ZNF385B: variants seen among roughly 807,000 people sequenced by gnomAD.
ZNF385B encodes the protein zinc finger protein 385B.
Under a neutral mutation model 39.2 loss-of-function variants are expected in ZNF385B, and 23 were observed. The observed-to-expected ratio is 0.59, with a 90% CI of 0.42 to 0.83. The LOEUF is 0.83. Ranked by LOEUF, ZNF385B falls within the 40% of genes least tolerant of loss-of-function variation. The probability of loss-of-function intolerance (pLI) is 0.00; values close to 1 mark genes in which losing one functional copy is unlikely to be tolerated. For missense variants in ZNF385B, 552 were observed against 598.9 expected, an observed-to-expected ratio of 0.92 and a Z score of 0.82; for synonymous variants, 205 against 222.6, an observed-to-expected ratio of 0.92 and a Z score of 0.70.
At chr2:179,853,061 A>C (rs2105445611) in intron 1 of ZNF385B, among the ~76,000 whole-genome samples, 1 of 152,336 alleles carries the variant, frequency 6.6e-6, no homozygotes, top group South Asian at 2.1e-4. Context: ...ATATGGACTT[A>C]AGCTCTTTGG....
intron 4 of ZNF385B, among the ~76,000 whole-genome samples, chr2:179,520,954 A>G (rs886390665): frequency 1.3e-5 from 2 of 152,230 alleles, no homozygotes; most frequent in African/African-American, 2.4e-5. Flanking sequence ...CATCAAAATT[A>G]AAACTTTCCT....
Position 179,597,583 on chromosome 2 carries a change from G to A in ZNF385B, c.299-52614C>T, listed in dbSNP as rs563467228. 6.5e-4 allele frequency among the ~76,000 whole-genome samples: 99 copies of A among 152,072 alleles called. 2 individuals carry two copies. In the South Asian group the frequency reaches 0.013, roughly 21 times the overall value. Reference sequence around the variant, plus strand: ...CATGTTCCTTCCATCCACCTTTCTTGTAGTCACTCCATCTGAGCTTTTCAC... The same window carrying A: ...CATGTTCCTTCCATCCACCTTTCTTATAGTCACTCCATCTGAGCTTTTCAC... On this transcript the variant is annotated intron_variant, in intron 3 of 9. Coordinates refer to ENST00000410066, the MANE Select transcript of ZNF385B (RefSeq NM_152520.6).
chr2:179,473,342 T>C (rs1182990452), intron 6 of ZNF385B, among the ~76,000 whole-genome samples: 1 of 152,194 alleles, frequency 6.6e-6, no homozygotes, highest in East Asian at 1.9e-4. Context: ...CAGCATGTCA[T>C]GAAACGATCA....
At chr2:179,698,096 C>T (rs577223660) in intron 3 of ZNF385B, among the ~76,000 whole-genome samples, 52 of 151,740 alleles carry the variant, frequency 3.4e-4, no homozygotes, top group African/African-American at 1.2e-3. Context: ...ATGTAAATGA[C>T]GAGTTAATGG....
At chr2:179,608,842 CTGTGTGTGTGTGTGTGTGTGTGTG>C (rs60633100) in intron 3 of ZNF385B, among the ~76,000 whole-genome samples, 20 of 134,698 alleles carry the variant, frequency 1.5e-4, no homozygotes, top group East Asian at 4.6e-4. Flanking sequence ...AGGGCCAAGA[CTGTGTGTGTGTGTGTGTGTGTGTG>C]TGTGTGTGTG....
At chr2:179,808,686 G>C (rs572595778) in intron 1 of ZNF385B, among the ~76,000 whole-genome samples, 12 of 152,240 alleles carry the variant, frequency 7.9e-5, no homozygotes, top group African/African-American at 2.9e-4. Flanking sequence ...TTTCATCGAA[G>C]ACCTTTTTTG....
At chr2:179,794,528 C>T (rs189746933) in intron 1 of ZNF385B, among the ~76,000 whole-genome samples, 18 of 152,256 alleles carry the variant, frequency 1.2e-4, no homozygotes, top group African/African-American at 1.9e-4. Flanking sequence ...AAAATTCTCT[C>T]GTCATGTAAG....
chr2:179,490,416 G>A (rs537998305), intron 5 of ZNF385B, among the ~76,000 whole-genome samples: 12 of 152,186 alleles, frequency 7.9e-5, no homozygotes, highest in Admixed American at 3.3e-4. Context: ...GATCTTTAGA[G>A]GGCTTGAAAT....
chr2:179,514,778 GTTTTTTT>G (rs10594566), intron 5 of ZNF385B, among the ~76,000 whole-genome samples: 1 of 143,390 alleles, frequency 7.0e-6, no homozygotes, highest in Non-Finnish European at 1.5e-5. Flanking sequence ...ATGTGTGGTG[GTTTTTTT>G]TTTTTTTTTT....
chr2:179,486,078 C>A (rs1313587686), intron 5 of ZNF385B, among the ~76,000 whole-genome samples: 1 of 151,878 alleles, frequency 6.6e-6, no homozygotes, highest in Non-Finnish European at 1.5e-5. Flanking sequence ...TATTTATTAC[C>A]AACCAAGAAT....
At chr2:179,720,895 G>A (rs1700647476) in intron 3 of ZNF385B, among the ~76,000 whole-genome samples, 1 of 147,422 alleles carries the variant, frequency 6.8e-6, no homozygotes, top group Non-Finnish European at 1.5e-5. Flanking sequence ...AAGTAGCTGT[G>A]ACTACAGTTG....
intron 3 of ZNF385B, among the ~76,000 whole-genome samples, chr2:179,681,508 G>C (rs569090913): frequency 1.1e-4 from 17 of 152,220 alleles, no homozygotes; most frequent in African/African-American, 4.1e-4. Flanking sequence ...TAGACAAATG[G>C]ATTGAAATAC....
intron 3 of ZNF385B, among the ~76,000 whole-genome samples, chr2:179,708,464 C>A (rs1401610620): frequency 6.6e-6 from 1 of 152,208 alleles, no homozygotes; most frequent in Non-Finnish European, 1.5e-5. Flanking sequence ...CACTCTCACA[C>A]ATGGTGACCT....
intron 3 of ZNF385B, among the ~76,000 whole-genome samples, chr2:179,573,810 G>A (rs1318211748): frequency 6.6e-6 from 1 of 152,060 alleles, no homozygotes; most frequent in Non-Finnish European, 1.5e-5. Flanking sequence ...AAGTTACTCA[G>A]ATCTAATGCC....
intron 1 of ZNF385B, among the ~76,000 whole-genome samples, chr2:179,844,467 G>A (rs13388545): frequency 0.3 from 46,306 of 151,918 alleles, 7,298 homozygotes; most frequent in African/African-American, 0.33. Flanking sequence ...GCTATTAAAT[G>A]ATATAATACA....
chr2:179,757,583 G>A (rs1383530272), intron 3 of ZNF385B, among the ~76,000 whole-genome samples: 4 of 152,174 alleles, frequency 2.6e-5, no homozygotes, highest in Non-Finnish European at 5.9e-5. Context: ...AGGCATGCAG[G>A]CCTCCTTGAA....
chr2:179,708,537 C>T (rs1327416521), intron 3 of ZNF385B, among the ~76,000 whole-genome samples: 1 of 152,212 alleles, frequency 6.6e-6, no homozygotes, highest in African/African-American at 2.4e-5. Context: ...CTGTGATCAA[C>T]AGGTTCAACT....
chr2:179,563,950 T>A (rs1275356490), intron 3 of ZNF385B, among the ~76,000 whole-genome samples: 1 of 152,188 alleles, frequency 6.6e-6, no homozygotes, highest in African/African-American at 2.4e-5. Context: ...TCTTGGAGTA[T>A]TTTTTCTAGA....
At chr2:179,701,184 T>C (rs920470825) in intron 3 of ZNF385B, among the ~76,000 whole-genome samples, 5 of 152,200 alleles carry the variant, frequency 3.3e-5, no homozygotes, top group Non-Finnish European at 5.9e-5. Flanking sequence ...GAAAGTCTCA[T>C]ATGAAGGTTA....
Sources: allele counts gnomAD v4.1 joint callset (sites outside exome capture counted in the v4.1 genomes callset), GRCh38; gene constraint gnomAD v4.1.1; transcripts MANE v1.5; gene names NCBI Gene and HGNC (gene_info 2026-07-23, HGNC 2026-07-21).